Variants in CDH18 observed in about 807,000 individuals in gnomAD.
The protein encoded by CDH18 is cadherin 18, also known as cadherin-18.
CDH18 carries 31 observed loss-of-function variants against 67.9 expected under a neutral mutation model. The observed-to-expected ratio is 0.46, with a 90% CI of 0.34 to 0.62. CDH18 has a LOEUF of 0.62. Ranked by LOEUF, CDH18 falls within the 20% of genes least tolerant of loss-of-function variation. The probability of loss-of-function intolerance (pLI) is 0.01; values close to 1 mark genes in which losing one functional copy is unlikely to be tolerated. For missense variants in CDH18, 890 were observed against 975.5 expected (o/e 0.91, Z 1.17); for synonymous variants, 362 against 347.2 (o/e 1.04, Z -0.48).
intron 4 of CDH18, among the ~76,000 whole-genome samples, chr5:19,746,426 A>C (rs1770006294): frequency 6.6e-6 from 1 of 152,246 alleles, no homozygotes; most frequent in East Asian, 1.9e-4. Context: ...TATATTTTTA[A>C]ATAAATAAGG....
intron 8 of CDH18, among the ~76,000 whole-genome samples, chr5:19,563,158 A>G (rs1739754172): frequency 6.6e-6 from 1 of 152,146 alleles, no homozygotes; most frequent in Non-Finnish European, 1.5e-5. Context: ...TTGTAAATGT[A>G]GTCATTTTGT....
chr5:19,616,050 T>TA (rs1429823832), intron 5 of CDH18, among the ~76,000 whole-genome samples: 1 of 152,176 alleles, frequency 6.6e-6, no homozygotes, highest in Non-Finnish European at 1.5e-5. Context: ...TAAACACAAA[T>TA]AAGTGTGGTT....
chr5:19,761,511 G>A (rs1003910266), intron 3 of CDH18, among the ~76,000 whole-genome samples: 4 of 152,010 alleles, frequency 2.6e-5, no homozygotes, highest in African/African-American at 9.7e-5. Flanking sequence ...TAGAAGTAGA[G>A]TCCTTAGCAT....
chr5:20,496,319 G>A lies in CDH18; in HGVS notation c.-580+79143C>T, dbSNP rs532599821. On this transcript the variant is annotated intron_variant, in intron 1 of 14. Transcript: ENST00000507958. ...ATGTTCATGTTTTCGTTTAAAGGGT[G>A]TGACCCCAAAATTTTAAACCTAATC... 9.2e-5 allele frequency among the ~76,000 whole-genome samples: 14 copies of A among 152,212 alleles called. No homozygotes were observed. In the South Asian group the frequency reaches 2.7e-3, roughly 29 times the overall value.
At position 19,489,538 on chromosome 5, in the gene CDH18, C is replaced by T. The variant is rs560868523; in HGVS notation, c.1631-5986G>A. ...CTGGGATTACAGGTGTGAGCCACCG[C>T]GCCTGGCCAATATTTGTTCTTTTAT... On this transcript the variant is annotated intron_variant, in intron 11 of 12. Coordinates refer to ENST00000382275, the MANE Select transcript of CDH18 (RefSeq NM_004934.5). 5.3e-5 allele frequency among the ~76,000 whole-genome samples: 8 copies of T among 152,160 alleles called. No individual in the cohort carries two copies. In the East Asian group the frequency reaches 5.8e-4, roughly 11 times the overall value.
intron 2 of CDH18, among the ~76,000 whole-genome samples, chr5:19,928,243 CAG>C (rs1446720285): frequency 6.6e-6 from 1 of 152,100 alleles, no homozygotes; most frequent in East Asian, 1.9e-4. Context: ...ATTATTAAAA[CAG>C]AATTCTTCTC....
chr5:20,467,213 T>G (rs922797323), intron 1 of CDH18, among the ~76,000 whole-genome samples: 32 of 152,246 alleles, frequency 2.1e-4, no homozygotes, highest in African/African-American at 7.7e-4. Context: ...TATAAGTATG[T>G]ATCATCTCCT....
At position 19,986,289 on chromosome 5, in the gene CDH18, C is replaced by A. The variant is rs977085798; in HGVS notation, c.-376+1797G>T. Among the ~76,000 whole-genome samples the A allele has an allele frequency of 2.0e-5, 3 of 152,276 alleles. No homozygotes were observed. In the East Asian group the frequency reaches 5.8e-4, roughly 29 times the overall value. ...TTGCTCATACTTGTGACTGCTATAGCTAATTATAATCAGTCTGCACTGGAT... is the reference window on the plus strand; with the variant it reads ...TTGCTCATACTTGTGACTGCTATAGATAATTATAATCAGTCTGCACTGGAT... On this transcript the variant is annotated intron_variant, in intron 1 of 12. Coordinates refer to ENST00000382275, the MANE Select transcript of CDH18 (RefSeq NM_004934.5).
At chr5:20,126,781 G>C (rs7700453) in intron 2 of CDH18, among the ~76,000 whole-genome samples, 66,033 of 151,918 alleles carry the variant, frequency 0.43, 15,727 homozygotes, top group Middle Eastern at 0.68. Flanking sequence ...CCTCATACCT[G>C]TTAGGATAAC....
At chr5:19,948,980 A>G (rs1445812613) in intron 2 of CDH18, among the ~76,000 whole-genome samples, 2 of 152,204 alleles carry the variant, frequency 1.3e-5, no homozygotes, top group African/African-American at 4.8e-5. Context: ...CTAACTCTAA[A>G]CAATAGATCA....
intron 5 of CDH18, among the ~76,000 whole-genome samples, chr5:19,720,702 A>AAT (rs1765975652): frequency 6.6e-6 from 1 of 152,184 alleles, no homozygotes; most frequent in Non-Finnish European, 1.5e-5. Flanking sequence ...TGATTGACAT[A>AAT]ATATGTTTTG....
At chr5:20,276,557 T>C (rs1009126059) in intron 1 of CDH18, among the ~76,000 whole-genome samples, 1 of 152,202 alleles carries the variant, frequency 6.6e-6, no homozygotes, top group African/African-American at 2.4e-5. Context: ...TTACTCATTG[T>C]GGGCCTTGGA....
chr5:19,895,294 G>A (rs181389920), intron 2 of CDH18, among the ~76,000 whole-genome samples: 153 of 152,284 alleles, frequency 1.0e-3, no homozygotes, highest in African/African-American at 3.6e-3. Context: ...GTGTTGCCAG[G>A]AAGTATAAGA....
At chr5:19,977,354 G>T (rs940931156) in intron 2 of CDH18, among the ~76,000 whole-genome samples, 1 of 152,068 alleles carries the variant, frequency 6.6e-6, no homozygotes, top group African/African-American at 2.4e-5. Context: ...CCAAAGCTTT[G>T]GCTCATTTGC....
chr5:19,974,960 A>C (rs1044187536), intron 2 of CDH18, among the ~76,000 whole-genome samples: 5 of 152,110 alleles, frequency 3.3e-5, no homozygotes, highest in Non-Finnish European at 7.3e-5. Flanking sequence ...TCTATGACTT[A>C]AATGTACTCT....
chr5:20,409,499 T>G (rs1746585414), intron 1 of CDH18, among the ~76,000 whole-genome samples: 1 of 151,736 alleles, frequency 6.6e-6, no homozygotes, highest in African/African-American at 2.4e-5. Context: ...ATACCAAACC[T>G]TATGAGATGT....
At chr5:20,515,470 C>T (rs990653877) in intron 1 of CDH18, among the ~76,000 whole-genome samples, 1 of 151,966 alleles carries the variant, frequency 6.6e-6, no homozygotes, top group African/African-American at 2.4e-5. Flanking sequence ...TCCCAAGATC[C>T]CATTTCTATT....
intron 6 of CDH18, among the ~76,000 whole-genome samples, chr5:19,599,278 T>C (rs1177709500): frequency 2.0e-5 from 3 of 152,080 alleles, no homozygotes; most frequent in South Asian, 4.1e-4. Flanking sequence ...CTAGTTGATA[T>C]AATGAAGAAA....
At chr5:19,947,066 T>A (rs1795341253) in intron 2 of CDH18, among the ~76,000 whole-genome samples, 1 of 152,112 alleles carries the variant, frequency 6.6e-6, no homozygotes, top group African/African-American at 2.4e-5. Flanking sequence ...AAATTTAGAA[T>A]TAGACGATAC....
Sources: allele counts gnomAD v4.1 joint callset (sites outside exome capture counted in the v4.1 genomes callset), GRCh38; gene constraint gnomAD v4.1.1; transcripts MANE v1.5; gene names NCBI Gene and HGNC (gene_info 2026-07-23, HGNC 2026-07-21).